The following CLSTN2 variants were observed in gnomAD, a reference collection of about 807,000 sequenced individuals.
The protein encoded by CLSTN2 is calsyntenin-2.
In CLSTN2, 48 loss-of-function variants were observed where a neutral mutation model predicts 101.2. The observed-to-expected ratio is 0.47, with a 90% CI of 0.38 to 0.60. The LOEUF is 0.60. Among genes scored for constraint, CLSTN2 ranks in the 20% least tolerant of loss-of-function variants. The pLI is 0.00. For missense variants in CLSTN2, 1,160 were observed against 1,238.2 expected, an observed-to-expected ratio of 0.94 and a Z score of 0.95; for synonymous variants, 481 against 463.6, an observed-to-expected ratio of 1.04 and a Z score of -0.48.
chr3:140,420,444 T>G (rs2088489018), intron 4 of CLSTN2, among the ~76,000 whole-genome samples: 2 of 152,218 alleles, frequency 1.3e-5, no homozygotes, highest in South Asian at 4.1e-4. Context: ...AATTAACATT[T>G]TGCTCATTAA....
chr3:140,192,812 A>C lies in CLSTN2; in HGVS notation c.232+16739A>C, dbSNP rs74888711. On this transcript the variant is annotated intron_variant, in intron 2 of 16. Transcript: ENST00000458420. ...TTTATATTTATATGGTAGGGTTTAGATCTGCCATTTTATTTTTGTGTTGTT... is the reference window on the plus strand; with the variant it reads ...TTTATATTTATATGGTAGGGTTTAGCTCTGCCATTTTATTTTTGTGTTGTT... Among the ~76,000 whole-genome samples, 700 of 151,818 alleles carry C rather than the reference A, an allele frequency of 4.6e-3. 7 individuals carry two copies. The highest frequency in any genetic ancestry group is 0.017 in the African/African-American group (685 of 41,476).
At chr3:140,553,111 A>C (rs1289787573) in intron 10 of CLSTN2, among the ~76,000 whole-genome samples, 2 of 152,174 alleles carry the variant, frequency 1.3e-5, no homozygotes, top group African/African-American at 2.4e-5. Flanking sequence ...TGGGGGCTCC[A>C]AGATCTAGCA....
At chr3:140,107,509 C>T (rs2009079575) in intron 1 of CLSTN2, among the ~76,000 whole-genome samples, 1 of 152,138 alleles carries the variant, frequency 6.6e-6, no homozygotes, top group South Asian at 2.1e-4. Flanking sequence ...GCAGACTCAC[C>T]TGGTCCTTTA....
chr3:140,062,785 A>T (rs1319016274), intron 1 of CLSTN2, among the ~76,000 whole-genome samples: 1 of 152,040 alleles, frequency 6.6e-6, no homozygotes, highest in Non-Finnish European at 1.5e-5. Flanking sequence ...TGAGTGAATC[A>T]CATCTCTCCT....
At chr3:140,040,035 C>A (rs185784676) in intron 1 of CLSTN2, among the ~76,000 whole-genome samples, 17 of 152,272 alleles carry the variant, frequency 1.1e-4, no homozygotes, top group Non-Finnish European at 1.6e-4. Flanking sequence ...CATTGTCCAT[C>A]TTCTATAAGC....
chr3:140,521,893 C>T (rs911167386), intron 8 of CLSTN2, among the ~76,000 whole-genome samples: 1 of 152,168 alleles, frequency 6.6e-6, no homozygotes, highest in African/African-American at 2.4e-5. Context: ...TGCTTGGCTC[C>T]CTGGATAGAG....
chr3:140,247,016 A>G (rs1456500114), intron 2 of CLSTN2, among the ~76,000 whole-genome samples: 1 of 152,218 alleles, frequency 6.6e-6, no homozygotes, highest in Non-Finnish European at 1.5e-5. Flanking sequence ...GACTGATTCC[A>G]GAAAACAGAA....
At chr3:140,350,641 T>G (rs1229583388) in intron 2 of CLSTN2, among the ~76,000 whole-genome samples, 1 of 152,232 alleles carries the variant, frequency 6.6e-6, no homozygotes, top group Non-Finnish European at 1.5e-5. Flanking sequence ...GAACTCTCCC[T>G]TCCCAGATGT....
chr3:140,167,802 T>C (rs530461539), intron 1 of CLSTN2, among the ~76,000 whole-genome samples: 1 of 152,326 alleles, frequency 6.6e-6, no homozygotes, highest in East Asian at 1.9e-4. Context: ...TCAAATAGCA[T>C]GCAGTCTTTT....
intron 2 of CLSTN2, among the ~76,000 whole-genome samples, chr3:140,235,976 T>C (rs2086413851): frequency 6.6e-6 from 1 of 152,144 alleles, no homozygotes; most frequent in South Asian, 2.1e-4. Flanking sequence ...CTGTAGCAGA[T>C]GGTGTCAAGA....
At chr3:139,979,114 C>A (rs1442612191) in intron 1 of CLSTN2, among the ~76,000 whole-genome samples, 1 of 152,138 alleles carries the variant, frequency 6.6e-6, no homozygotes, top group African/African-American at 2.4e-5. Context: ...ACTGTGAGAG[C>A]TTGACCCTGG....
intron 2 of CLSTN2, among the ~76,000 whole-genome samples, chr3:140,233,956 C>T (rs532669055): frequency 1.5e-4 from 23 of 152,302 alleles, no homozygotes; most frequent in Admixed American, 3.9e-4. Flanking sequence ...ACTTTTCTCA[C>T]GCCACAGTGG....
At chr3:140,447,274 G>A (rs1258126526) in intron 5 of CLSTN2, among the ~76,000 whole-genome samples, 1 of 152,256 alleles carries the variant, frequency 6.6e-6, no homozygotes, top group Non-Finnish European at 1.5e-5. Flanking sequence ...AACTCACATT[G>A]CTTGATGAGT....
chr3:140,174,849 C>G (rs2010296268), intron 1 of CLSTN2, among the ~76,000 whole-genome samples: 1 of 152,116 alleles, frequency 6.6e-6, no homozygotes, highest in African/African-American at 2.4e-5. Context: ...AGAGCCAAAC[C>G]ATATCACTGG....
chr3:140,522,900 G>A (rs1935061459), intron 8 of CLSTN2, among the ~76,000 whole-genome samples: 1 of 152,026 alleles, frequency 6.6e-6, no homozygotes, highest in African/African-American at 2.4e-5. Flanking sequence ...TTATTTCTCA[G>A]ACAGGCAAAG....
At position 140,359,946 on chromosome 3, in the gene CLSTN2, A is replaced by G. The variant is rs533948416; in HGVS notation, c.233-43683A>G. ...GTTGATATAAATATATACACTTTAT[A>G]TATGTATTTATATGTAATATATATA... is the stretch of plus-strand genomic sequence containing the variant. On this transcript the variant is annotated intron_variant, in intron 2 of 16. Transcript: ENST00000458420. 1.4e-4 allele frequency among the ~76,000 whole-genome samples: 22 copies of G among 151,990 alleles called. No homozygotes were observed. In the East Asian group the frequency reaches 4.3e-3, roughly 29 times the overall value.
intron 8 of CLSTN2, chr3:140,507,911 C>T (rs1934716110): frequency 6.6e-6 from 1 of 152,270 alleles, no homozygotes; most frequent in East Asian, 1.9e-4. Context: ...GAAGAAACTA[C>T]ACTCAGCAAG....
rs2010318377 is a variant in CLSTN2 at position 140,176,037 on chromosome 3, G to T, written c.196G>T (p.Val66Leu). 1.2e-6 allele frequency: 2 copies of T among 1,613,800 alleles called. No individual in the cohort carries two copies. Among genetic ancestry groups the T allele is most frequent in the Non-Finnish European group, 8.5e-7 (1 of 1,179,826 alleles). Residue 66 changes from valine (V) to leucine (L), a missense_variant, in exon 2 of 17, where the codon GTA becomes TTA. Transcript: ENST00000458420. Reference protein sequence around the residue: ...NDTVILDPPLVALDKDAPVPF... With the variant: ...NDTVILDPPLLALDKDAPVPF... ...CACAGTCATTTTGGACCCACCACTG[G>T]TAGCCCTGGATAAAGATGCACCGGT...
Position 140,574,544 on chromosome 3 carries a change from A to G in CLSTN2, c.*8291A>G, listed in dbSNP as rs1985671361. On this transcript the variant is annotated 3_prime_UTR_variant, in exon 17 of 17. Coordinates refer to ENST00000458420, the MANE Select transcript of CLSTN2 (RefSeq NM_022131.3). The stretch of plus-strand genomic sequence containing the variant: ...AGCAGATTCATCAACATGAAGTTCA[A>G]TTCCCAGTAGACTAATGAAAAGAGG... 1 of 152,258 alleles carries G rather than the reference A, an allele frequency of 6.6e-6. No homozygotes were observed. 9.4% of individuals were successfully genotyped at this position (152,258 alleles called of 1,614,324 possible).
Sources: allele counts gnomAD v4.1 joint callset (sites outside exome capture counted in the v4.1 genomes callset), GRCh38; gene constraint gnomAD v4.1.1; transcripts MANE v1.5; gene names NCBI Gene and HGNC (gene_info 2026-07-23, HGNC 2026-07-21).